RORA: variants seen among roughly 807,000 people sequenced by gnomAD.
RORA encodes nuclear receptor ROR-alpha.
Under a neutral mutation model 69.5 loss-of-function variants are expected in RORA, and 7 were observed. The ratio of observed to expected loss-of-function variants is 0.10; its 90% confidence interval spans 0.06 to 0.19. The LOEUF is 0.19. RORA is among the 10% of genes least tolerant of loss of function. RORA has a pLI of 1.00. For missense variants in RORA, 457 were observed against 663.0 expected (o/e 0.69, Z 3.41); for synonymous variants, 261 against 240.8 (o/e 1.08, Z -0.78).
intron 1 of RORA, among the ~76,000 whole-genome samples, chr15:60,921,930 T>C (rs977969606): frequency 6.6e-6 from 1 of 152,148 alleles, no homozygotes; most frequent in African/African-American, 2.4e-5. Flanking sequence ...CAATATTGAA[T>C]ATACACAAAA....
At chr15:60,941,464 C>T (rs74017891) in intron 1 of RORA, among the ~76,000 whole-genome samples, 1,585 of 152,306 alleles carry the variant, frequency 0.01, 29 homozygotes, top group African/African-American at 0.036. Flanking sequence ...TCTACAGAAC[C>T]GGGTGAAGGG....
intron 1 of RORA, among the ~76,000 whole-genome samples, chr15:60,792,581 C>T: frequency 6.6e-6 from 1 of 152,138 alleles, no homozygotes; most frequent in Non-Finnish European, 1.5e-5. Context: ...GCAGAAACAA[C>T]AATATGAATG....
intron 1 of RORA, among the ~76,000 whole-genome samples, chr15:60,886,928 CA>C (rs1215998938): frequency 2.0e-5 from 3 of 152,170 alleles, no homozygotes; most frequent in Non-Finnish European, 4.4e-5. Context: ...AGAGGACACT[CA>C]CAGTTGCCAC....
chr15:61,134,191 T>C (rs1426703499), intron 1 of RORA, among the ~76,000 whole-genome samples: 4 of 152,186 alleles, frequency 2.6e-5, no homozygotes, highest in Admixed American at 6.5e-5. Flanking sequence ...AGTCTAAGAA[T>C]TGGCTTGGCC....
chr15:60,520,828 A>G (rs1236443160), intron 3 of RORA, among the ~76,000 whole-genome samples: 2 of 152,238 alleles, frequency 1.3e-5, no homozygotes, highest in Non-Finnish European at 2.9e-5. Context: ...CTTGGCTGTC[A>G]TAAAAGTTCA....
Position 60,987,126 on chromosome 15 carries a change from G to T in RORA, c.166+241927C>A, listed in dbSNP as rs2084738038. ...ATGATGATATTGGTAGCATGCTGAG[G>T]TCAGCTGGGTAGACTGATGCTCAGA... On this transcript the variant is annotated intron_variant, in intron 1 of 10. Coordinates refer to ENST00000335670, the MANE Select transcript of RORA (RefSeq NM_134261.3). Among the ~76,000 whole-genome samples, 3 of 152,128 alleles carry T rather than the reference G, an allele frequency of 2.0e-5. No individual in the cohort carries two copies. In the South Asian group the frequency reaches 6.2e-4, roughly 32 times the overall value.
intron 1 of RORA, among the ~76,000 whole-genome samples, chr15:61,003,317 A>G (rs1177116204): frequency 6.6e-6 from 1 of 152,202 alleles, no homozygotes; most frequent in Non-Finnish European, 1.5e-5. Context: ...AGGACTGAAG[A>G]GACTATGTAA....
chr15:60,784,168 C>T (rs2072303614), intron 1 of RORA, among the ~76,000 whole-genome samples: 1 of 152,140 alleles, frequency 6.6e-6, no homozygotes, highest in Non-Finnish European at 1.5e-5. Flanking sequence ...AAGATAATGT[C>T]CTTTCTATTT....
At chr15:61,111,672 A>C (rs1407708516) in intron 1 of RORA, among the ~76,000 whole-genome samples, 1 of 152,078 alleles carries the variant, frequency 6.6e-6, no homozygotes, top group African/African-American at 2.4e-5. Context: ...ATTTTTGTGA[A>C]AGTATAAACC....
Position 60,651,925 on chromosome 15 carries a change from A to G in RORA, c.196+26732T>C, listed in dbSNP as rs140775901. On this transcript the variant is annotated intron_variant, in intron 2 of 10. Coordinates refer to ENST00000335670, the MANE Select transcript of RORA (RefSeq NM_134261.3). The stretch of plus-strand genomic sequence containing the variant: ...TGTCACCAGGTGGAAAGCTGTCAAT[A>G]GCTGGATGTGAGCTACACTGAGATA... 2.8e-3 allele frequency among the ~76,000 whole-genome samples: 420 copies of G among 152,292 alleles called. 1 individual carries two copies. Among genetic ancestry groups the G allele is most frequent in the African/African-American group, 9.7e-3 (404 of 41,542 alleles).
chr15:61,219,278 T>A (rs1427074874), intron 1 of RORA, among the ~76,000 whole-genome samples: 1 of 152,196 alleles, frequency 6.6e-6, no homozygotes, highest in African/African-American at 2.4e-5. Flanking sequence ...TGCACACATC[T>A]TAATAGCCTC....
intron 1 of RORA, among the ~76,000 whole-genome samples, chr15:60,690,620 G>A (rs2070809293): frequency 6.6e-6 from 1 of 152,208 alleles, no homozygotes; most frequent in Non-Finnish European, 1.5e-5. Context: ...ACAGGGTTAG[G>A]AAATAACTAG....
chr15:60,711,447 T>A (rs189168207), intron 1 of RORA, among the ~76,000 whole-genome samples: 2 of 152,206 alleles, frequency 1.3e-5, no homozygotes, highest in East Asian at 3.9e-4. Flanking sequence ...AGATGGACAG[T>A]TTCAGGCAGC....
At chr15:60,973,107 G>A (rs12593927) in intron 1 of RORA, among the ~76,000 whole-genome samples, 145 of 152,050 alleles carry the variant, frequency 9.5e-4, no homozygotes, top group African/African-American at 3.4e-3. Context: ...AGGGCATGGG[G>A]AGGACACGCA....
chr15:60,593,705 T>C (rs946577571), intron 2 of RORA, among the ~76,000 whole-genome samples: 4 of 152,298 alleles, frequency 2.6e-5, no homozygotes, highest in African/African-American at 9.6e-5. Flanking sequence ...CCTATTGCGG[T>C]TCCTTCACGA....
At chr15:60,532,204 A>G (rs1307842917) in intron 2 of RORA, among the ~76,000 whole-genome samples, 1 of 152,216 alleles carries the variant, frequency 6.6e-6, no homozygotes, top group Non-Finnish European at 1.5e-5. Flanking sequence ...TTCTATCATT[A>G]TTTTTAAAAG....
rs927562556 is a variant in RORA at position 61,061,071 on chromosome 15, G to A, written c.166+167982C>T. Among the ~76,000 whole-genome samples the A allele has an allele frequency of 1.3e-5, 2 of 152,164 alleles. No individual in the cohort carries two copies. The highest frequency in any genetic ancestry group is 2.1e-4 in the South Asian group (1 of 4,822). On this transcript the variant is annotated intron_variant, in intron 1 of 10. Coordinates refer to ENST00000335670, the MANE Select transcript of RORA (RefSeq NM_134261.3). The surrounding 1 kb of genome is among the most constrained non-coding windows in gnomAD (Gnocchi z 4.4). ...AATTTGGCATTAAAGGGCATTGCAA[G>A]GGCTGGGCGCGGTGGCTCGTGCCTG...
intron 2 of RORA, chr15:60,592,496 C>A (rs1029780794): frequency 1.2e-5 from 16 of 1,330,756 alleles, no homozygotes; most frequent in Admixed American, 3.7e-5. Context: ...GCGCCGCCGC[C>A]GCCCGAGCCA....
chr15:61,189,205 A>G (rs1405037330), intron 1 of RORA, among the ~76,000 whole-genome samples: 1 of 152,248 alleles, frequency 6.6e-6, no homozygotes, highest in African/African-American at 2.4e-5. Context: ...TCCCTTGAAT[A>G]AACGCATTTT....
Sources: allele counts gnomAD v4.1 joint callset (sites outside exome capture counted in the v4.1 genomes callset), GRCh38; gene constraint gnomAD v4.1.1; non-coding constraint Gnocchi (gnomAD v3.1); transcripts MANE v1.5; gene names NCBI Gene and HGNC (gene_info 2026-07-23, HGNC 2026-07-21).